The following PIP5K1B variants were observed in gnomAD, a reference collection of about 807,000 sequenced individuals.
PIP5K1B encodes phosphatidylinositol-4-phosphate 5-kinase type 1 beta.
Under a neutral mutation model 67.0 loss-of-function variants are expected in PIP5K1B, and 42 were observed. The observed-to-expected ratio is 0.63, with a 90% CI of 0.49 to 0.81. The LOEUF is 0.81. Among genes scored for constraint, PIP5K1B ranks in the 30% least tolerant of loss-of-function variants. The probability of loss-of-function intolerance (pLI) is 0.00; values close to 1 mark genes in which losing one functional copy is unlikely to be tolerated. For missense variants in PIP5K1B, 459 were observed against 646.3 expected, an observed-to-expected ratio of 0.71 and a Z score of 3.14; for synonymous variants, 214 against 231.4, an observed-to-expected ratio of 0.92 and a Z score of 0.68.
chr9:68,745,969 A>G (rs1400714277), intron 2 of PIP5K1B, among the ~76,000 whole-genome samples: 2 of 152,162 alleles, frequency 1.3e-5, no homozygotes, highest in Non-Finnish European at 2.9e-5. Context: ...GAAACTAACC[A>G]GTGCTCACTA....
chr9:68,862,770 C>T (rs1328193692), intron 4 of PIP5K1B, among the ~76,000 whole-genome samples: 3 of 149,408 alleles, frequency 2.0e-5, no homozygotes, highest in Admixed American at 6.7e-5. Context: ...CCAGCCTGGG[C>T]GACAGAGTAA....
At chr9:68,729,266 TATA>T (rs1828300567) in intron 1 of PIP5K1B, among the ~76,000 whole-genome samples, 1 of 152,196 alleles carries the variant, frequency 6.6e-6, no homozygotes, top group Admixed American at 6.5e-5. Context: ...TTCATGTTCT[TATA>T]ATATCCTTCT....
intron 14 of PIP5K1B, among the ~76,000 whole-genome samples, chr9:68,945,815 G>C (rs552630580): frequency 4.6e-5 from 7 of 152,196 alleles, no homozygotes; most frequent in African/African-American, 1.7e-4. Flanking sequence ...TACAGTTTCA[G>C]ATGATAAGTT....
At chr9:68,865,126 C>G (rs576093536) in intron 5 of PIP5K1B, among the ~76,000 whole-genome samples, 1 of 152,218 alleles carries the variant, frequency 6.6e-6, no homozygotes, top group South Asian at 2.1e-4. Context: ...TAAAGTTGGT[C>G]TACTGGCCTT....
intron 4 of PIP5K1B, among the ~76,000 whole-genome samples, chr9:68,845,562 C>G (rs1822146042): frequency 6.6e-6 from 1 of 152,058 alleles, no homozygotes; most frequent in African/African-American, 2.4e-5. Flanking sequence ...GATAGGGATC[C>G]CGAAGGCCAG....
At chr9:68,817,707 T>G (rs1833516872) in intron 2 of PIP5K1B, among the ~76,000 whole-genome samples, 1 of 143,206 alleles carries the variant, frequency 7.0e-6, no homozygotes, top group African/African-American at 2.5e-5. Flanking sequence ...AGATAAGACC[T>G]CATTCTTTTT....
chr9:68,824,620 C>T (rs112513853), intron 4 of PIP5K1B, among the ~76,000 whole-genome samples: 14 of 152,100 alleles, frequency 9.2e-5, no homozygotes, highest in African/African-American at 2.7e-4. Context: ...AGGAGATGTA[C>T]GTAGCCTCTC....
chr9:68,733,401 G>A (rs924301999), intron 1 of PIP5K1B, among the ~76,000 whole-genome samples: 5 of 152,158 alleles, frequency 3.3e-5, no homozygotes, highest in African/African-American at 9.7e-5. Context: ...ACTGGTTGAC[G>A]TGTGAAGCAG....
intron 9 of PIP5K1B, among the ~76,000 whole-genome samples, chr9:68,918,732 A>AT (rs1287747310): frequency 8.5e-5 from 13 of 152,176 alleles, no homozygotes; most frequent in Non-Finnish European, 1.3e-4. Flanking sequence ...GGCATATTTC[A>AT]TTTTTGTAAA....
chr9:68,958,311 A>G (rs1005870205), intron 14 of PIP5K1B, among the ~76,000 whole-genome samples: 2 of 152,234 alleles, frequency 1.3e-5, no homozygotes, highest in African/African-American at 4.8e-5. Flanking sequence ...TGGCTTTTGT[A>G]CAGGCACCAG....
intron 14 of PIP5K1B, among the ~76,000 whole-genome samples, chr9:68,956,702 A>T (rs976112367): frequency 3.3e-5 from 5 of 152,226 alleles, no homozygotes; most frequent in African/African-American, 1.2e-4. Context: ...GACAAGCAGC[A>T]TTGAGTCCAA....
At chr9:68,716,614 C>A (rs1302851342) in intron 1 of PIP5K1B, among the ~76,000 whole-genome samples, 1 of 152,070 alleles carries the variant, frequency 6.6e-6, no homozygotes, top group Non-Finnish European at 1.5e-5. Context: ...GAAAAGGGAG[C>A]GCTTATGCAC....
intron 15 of PIP5K1B, among the ~76,000 whole-genome samples, chr9:69,004,335 T>TGTGTGTG (rs1554755759): frequency 8.3e-6 from 1 of 121,010 alleles, no homozygotes; most frequent in East Asian, 2.8e-4. Context: ...GTGTGTGTGT[T>TGTGTGTG]TTTGTGTGTG....
intron 8 of PIP5K1B, among the ~76,000 whole-genome samples, chr9:68,903,406 C>T (rs967864860): frequency 6.6e-6 from 1 of 152,200 alleles, no homozygotes; most frequent in Non-Finnish European, 1.5e-5. Context: ...GTTTGGAGTA[C>T]ATTTGTATTG....
chr9:68,979,898 A>G (rs1271416827), intron 14 of PIP5K1B, among the ~76,000 whole-genome samples: 4 of 152,234 alleles, frequency 2.6e-5, no homozygotes, highest in Non-Finnish European at 5.9e-5. Flanking sequence ...AGCCATGCTC[A>G]GGGCTGAAAG....
At chr9:68,760,727 G>T (rs974993349) in intron 2 of PIP5K1B, among the ~76,000 whole-genome samples, 3 of 152,034 alleles carry the variant, frequency 2.0e-5, no homozygotes, top group African/African-American at 7.2e-5. Flanking sequence ...TGACTATTTT[G>T]CTTAAAGCTC....
chr9:68,826,934 T>C (rs1483947215), intron 4 of PIP5K1B, among the ~76,000 whole-genome samples: 3 of 57,484 alleles, frequency 5.2e-5, no homozygotes, highest in Admixed American at 4.8e-4. Flanking sequence ...TGTATTTTAG[T>C]TGAGATGGGG....
chr9:68,946,554 G>A (rs927448279), intron 14 of PIP5K1B, among the ~76,000 whole-genome samples: 8 of 151,482 alleles, frequency 5.3e-5, no homozygotes, highest in South Asian at 2.1e-4. Flanking sequence ...CACCACGCCC[G>A]GCTAATTTTT....
At chr9:68,888,140 G>A (rs1271911735) in intron 6 of PIP5K1B, among the ~76,000 whole-genome samples, 2 of 152,216 alleles carry the variant, frequency 1.3e-5, no homozygotes, top group South Asian at 4.1e-4. Flanking sequence ...CACCACGCCC[G>A]GCCAATTTTT....
Sources: gnomAD v4.1 joint callset for allele counts (sites outside exome capture counted in the v4.1 genomes callset) on GRCh38, gnomAD v4.1.1 for gene constraint, MANE v1.5 for transcripts, NCBI Gene and HGNC (gene_info 2026-07-23, HGNC 2026-07-21) for gene names.